Variants in SYTL2 observed in about 807,000 individuals in gnomAD.
The protein encoded by SYTL2 is synaptotagmin-like protein 2.
In SYTL2, 165 loss-of-function variants were observed where a neutral mutation model predicts 198.7. That is an observed-to-expected ratio of 0.83 (90% confidence interval 0.73 to 0.94). The LOEUF (loss-of-function observed/expected upper bound fraction) is 0.94. SYTL2 is among the 40% of genes least tolerant of loss of function. The pLI, the probability that SYTL2 is intolerant of heterozygous loss-of-function variation, is 0.00. For synonymous variants in SYTL2, 966 were observed against 917.7 expected, an observed-to-expected ratio of 1.05 and a Z score of -0.95; for missense variants, 2,835 against 2,582.8, an observed-to-expected ratio of 1.10 and a Z score of -2.12.
intron 1 of SYTL2, among the ~76,000 whole-genome samples, chr11:85,778,401 T>C (rs1475766916): frequency 6.6e-6 from 1 of 152,220 alleles, no homozygotes; most frequent in African/African-American, 2.4e-5. Context: ...AAAGTGACTT[T>C]CTACCAAAGA....
chr11:85,805,961 C>G (rs1425254688), intron 1 of SYTL2, among the ~76,000 whole-genome samples: 1 of 152,186 alleles, frequency 6.6e-6, no homozygotes, highest in Non-Finnish European at 1.5e-5. Flanking sequence ...TCTTTTATCT[C>G]AATCATCAAT....
At chr11:85,750,594 G>C (rs781312694) in intron 2 of SYTL2, among the ~76,000 whole-genome samples, 1 of 152,156 alleles carries the variant, frequency 6.6e-6, no homozygotes. Flanking sequence ...TGAAAGTGAG[G>C]ACTATGTCTT....
intron 1 of SYTL2, among the ~76,000 whole-genome samples, chr11:85,807,292 C>A (rs2092971124): frequency 6.6e-6 from 1 of 152,200 alleles, no homozygotes; most frequent in Non-Finnish European, 1.5e-5. Context: ...AAACTTGAGT[C>A]CCAATAGAGC....
At chr11:85,792,773 C>G (rs1481142038) in intron 1 of SYTL2, among the ~76,000 whole-genome samples, 1 of 149,100 alleles carries the variant, frequency 6.7e-6, no homozygotes, top group Admixed American at 6.8e-5. Flanking sequence ...AGCTATCCCT[C>G]CCCGCTCCCC....
In SYTL2 at chr11:85,718,790, C is replaced by CAA. The variant is rs1443267128; in HGVS notation, c.5481_5482insTT (p.Asp1828LeufsTer38). 1.2e-6 allele frequency: 2 copies of CAA among 1,612,808 alleles called. No homozygotes were observed. Among genetic ancestry groups the CAA allele is most frequent in the Non-Finnish European group, 1.7e-6 (2 of 1,179,158 alleles). On this transcript the variant is annotated frameshift_variant and splice_region_variant, in exon 10 of 20. Transcript: ENST00000359152. LOFTEE classifies it high-confidence loss of function. Reference sequence around the variant, plus strand: ...CACGCAAATACATAAAGATATTTACCATCTTCAGCACTACGCACTAATTCT... The same window carrying CAA: ...CACGCAAATACATAAAGATATTTACCAAATCTTCAGCACTACGCACTAATTCT...
At chr11:85,791,410 A>G (rs1451695446) in intron 1 of SYTL2, among the ~76,000 whole-genome samples, 1 of 152,184 alleles carries the variant, frequency 6.6e-6, no homozygotes, top group Non-Finnish European at 1.5e-5. Context: ...AACATTAAAC[A>G]GCAAGTTCAA....
chr11:85,789,898 T>A (rs909852250), intron 1 of SYTL2, among the ~76,000 whole-genome samples: 2 of 152,148 alleles, frequency 1.3e-5, no homozygotes, highest in Non-Finnish European at 2.9e-5. Context: ...CTTCAAAACA[T>A]ATTAGGGTGA....
the SYTL2 span, among the ~76,000 whole-genome samples, chr11:85,828,485 T>G: frequency 6.6e-6 from 1 of 152,164 alleles, no homozygotes; most frequent in Non-Finnish European, 1.5e-5. Flanking sequence ...AAAAGGAAAA[T>G]TATATTTGCA....
chr11:85,787,277 T>C (rs1345171335), intron 1 of SYTL2, among the ~76,000 whole-genome samples: 2 of 152,172 alleles, frequency 1.3e-5, no homozygotes. Context: ...GGAGACATGG[T>C]GTTCATAAAA....
Position 85,724,811 on chromosome 11 carries a change from T to G in SYTL2, c.4547A>C (p.Tyr1516Ser), listed in dbSNP as rs199557677. The change falls in exon 8 of 20, where the codon TAT becomes TCT. Residue 1516 changes from tyrosine (Y) to serine (S), a missense_variant. Physicochemically the swap from Tyr to Ser is moderately radical, Grantham distance 144 (BLOSUM62 -2). Coordinates refer to ENST00000359152, the MANE Select transcript of SYTL2 (RefSeq NM_206927.4). ...KEETETFPSK[Y>S]ESDTGNLSPS... The stretch of plus-strand genomic sequence containing the variant: ...AGAAAGATTCCCTGTATCACTTTCA[T>G]ATTTTGAGGGGAAGGTTTCAGTTTC... 6.2e-7 allele frequency: 1 copy of G among 1,613,326 alleles called. No individual in the cohort carries two copies. Among genetic ancestry groups the G allele is most frequent in the Non-Finnish European group, 8.5e-7 (1 of 1,179,834 alleles).
At chr11:85,833,121 A>G in the SYTL2 span, among the ~76,000 whole-genome samples, 1 of 110,012 alleles carries the variant, frequency 9.1e-6, no homozygotes, top group East Asian at 2.2e-4. Flanking sequence ...GAAGGAAGGA[A>G]GGAAGGAAGG....
intron 1 of SYTL2, among the ~76,000 whole-genome samples, chr11:85,809,517 A>G (rs2093003317): frequency 6.6e-6 from 1 of 152,200 alleles, no homozygotes; most frequent in Non-Finnish European, 1.5e-5. Flanking sequence ...GCTTGCTCTT[A>G]CTTAAGGAGC....
At chr11:85,840,667 T>C in the SYTL2 span, among the ~76,000 whole-genome samples, 1 of 152,164 alleles carries the variant, frequency 6.6e-6, no homozygotes, top group South Asian at 2.1e-4. Flanking sequence ...GAAAACTGGC[T>C]AGCCATATGC....
intron 1 of SYTL2, among the ~76,000 whole-genome samples, chr11:85,767,424 T>C (rs2092264792): frequency 6.6e-6 from 1 of 152,234 alleles, no homozygotes; most frequent in Non-Finnish European, 1.5e-5. Flanking sequence ...ATATCAGATT[T>C]AATTATTTTC....
chr11:85,843,008 T>G, the SYTL2 span, among the ~76,000 whole-genome samples: 1 of 152,192 alleles, frequency 6.6e-6, no homozygotes, highest in Non-Finnish European at 1.5e-5. Context: ...GTTCCAGCTG[T>G]GGCCAATGGA....
At chr11:85,782,650 T>C (rs2153604243) in intron 1 of SYTL2, among the ~76,000 whole-genome samples, 1 of 152,360 alleles carries the variant, frequency 6.6e-6, no homozygotes, top group African/African-American at 2.4e-5. Flanking sequence ...TAAAACTGAA[T>C]GCTTTTAACA....
rs557420137 is a variant in SYTL2, at chr11:85,781,631, G to C, written c.-389-23517C>G. 7.9e-5 allele frequency among the ~76,000 whole-genome samples: 12 copies of C among 152,172 alleles called. No individual in the cohort carries two copies. In the South Asian group the frequency reaches 2.5e-3, roughly 31 times the overall value. On this transcript the variant is annotated intron_variant, in intron 1 of 19. Transcript: ENST00000359152. ...ATCAAAAGGAAGTTAATTACTTCCT[G>C]GATACAATGAGGGTACAGGCATTGG... is the stretch of plus-strand genomic sequence containing the variant.
chr11:85,750,845 A>G (rs900680688), intron 2 of SYTL2, among the ~76,000 whole-genome samples: 2 of 152,114 alleles, frequency 1.3e-5, no homozygotes, highest in African/African-American at 4.8e-5. Flanking sequence ...AACAGGAAAA[A>G]ACATCATGAA....
At chr11:85,753,766 TAA>T (rs869050309) in intron 2 of SYTL2, among the ~76,000 whole-genome samples, 99 of 47,742 alleles carry the variant, frequency 2.1e-3, no homozygotes, top group African/African-American at 2.6e-3. Context: ...CTCTCTTTTT[TAA>T]AAAAAAAAAA....
Sources: allele counts gnomAD v4.1 joint callset (sites outside exome capture counted in the v4.1 genomes callset), GRCh38; gene constraint gnomAD v4.1.1; transcripts MANE v1.5; gene names NCBI Gene and HGNC (gene_info 2026-07-23, HGNC 2026-07-21).